RNF121: variants seen among roughly 807,000 people sequenced by gnomAD.
The protein encoded by RNF121 is ring finger protein 121, also known as E3 ubiquitin ligase RNF121.
Under a neutral mutation model 46.5 loss-of-function variants are expected in RNF121, and 21 were observed. The observed-to-expected ratio is 0.45, with a 90% confidence interval of 0.32 to 0.65. RNF121 has a LOEUF of 0.65. RNF121 is among the 30% of genes least tolerant of loss of function. RNF121 has a pLI of 0.04. For synonymous variants in RNF121, 139 were observed against 144.7 expected (o/e 0.96, Z 0.28); for missense variants, 346 against 416.0 (o/e 0.83, Z 1.46).
chr11:71,967,233 A>C (rs1462283845), intron 3 of RNF121, among the ~76,000 whole-genome samples: 1 of 150,782 alleles, frequency 6.6e-6, no homozygotes, highest in Non-Finnish European at 1.5e-5. Flanking sequence ...ATTATATTTA[A>C]ATATAATATT....
intron 3 of RNF121, among the ~76,000 whole-genome samples, chr11:71,964,976 C>A (rs931002094): frequency 6.6e-6 from 1 of 152,096 alleles, no homozygotes; most frequent in African/African-American, 2.4e-5. Context: ...TGCCTAGAGA[C>A]AGGATGAGGT....
At chr11:71,986,861 G>A (rs1954782116) in intron 4 of RNF121, 143 bp from the exon 5 acceptor site, 2 of 615,294 alleles carry the variant, frequency 3.3e-6, no homozygotes, top group South Asian at 3.8e-5. Context: ...GAGCAGCTTT[G>A]GATAGTAACT....
chr11:71,993,714 T>C (rs1954912201), intron 6 of RNF121, among the ~76,000 whole-genome samples: 1 of 152,180 alleles, frequency 6.6e-6, no homozygotes, highest in South Asian at 2.1e-4. Flanking sequence ...ATACCGAGAA[T>C]GGAATTGCTT....
intron 1 of RNF121, among the ~76,000 whole-genome samples, chr11:71,953,424 G>T (rs530435782): frequency 3.3e-5 from 5 of 152,346 alleles, no homozygotes; most frequent in African/African-American, 4.8e-5. Context: ...GTACAGATGC[G>T]TATGGCTGTA....
At position 71,989,694 on chromosome 11, in the gene RNF121, AAAAC is replaced by A. The variant is rs1312791845; in HGVS notation, c.507-898_507-895del. Among the ~76,000 whole-genome samples the A allele has an allele frequency of 2.6e-5, 4 of 152,336 alleles. No individual in the cohort carries two copies. The East Asian group carries it at 7.7e-4, about 29-fold the overall frequency. On this transcript the variant is annotated intron_variant, in intron 5 of 8. Transcript: ENST00000361756. ...CAAATTATCGGTCCTTGGAATTATTAAAACAAACCTTCTGATGTTATAGGCAAGA... is the reference window on the plus strand; with the variant it reads ...CAAATTATCGGTCCTTGGAATTATTAAAACCTTCTGATGTTATAGGCAAGA...
Position 71,973,011 on chromosome 11 carries a change from A to T in RNF121, c.244-9750A>T, listed in dbSNP as rs745876094. On this transcript the variant is annotated intron_variant, in intron 3 of 8. Coordinates refer to ENST00000361756, the MANE Select transcript of RNF121 (RefSeq NM_018320.5). ...AGACCATCCTGACCAACATGGAGAAACCTTGTCTCTACTAAAAATACACTG... is the reference window on the plus strand; with the variant it reads ...AGACCATCCTGACCAACATGGAGAATCCTTGTCTCTACTAAAAATACACTG... Among the ~76,000 whole-genome samples the T allele has an allele frequency of 5.1e-4, 78 of 151,854 alleles. 2 individuals carry two copies. Among genetic ancestry groups the T allele is most frequent in the Admixed American group, 2.8e-3 (42 of 15,254 alleles).
chr11:71,988,765 T>G lies in RNF121; in HGVS notation c.506+1654T>G. Among the ~76,000 whole-genome samples the G allele has an allele frequency of 1.3e-5, 2 of 152,094 alleles. 1 individual carries two copies. The highest frequency in any genetic ancestry group is 2.9e-5 in the Non-Finnish European group (2 of 68,014). On this transcript the variant is annotated intron_variant, in intron 5 of 8. Transcript: ENST00000361756. ...TGAGCCCAGAAGTTCAAGGCTGCAG[T>G]GAGCTATGATTGTGCCACTGCACTC...
At chr11:71,952,771 G>A (rs962026520) in intron 1 of RNF121, among the ~76,000 whole-genome samples, 4 of 151,864 alleles carry the variant, frequency 2.6e-5, no homozygotes, top group Admixed American at 2.0e-4. Flanking sequence ...TCGTGCCACT[G>A]CACTCTAGCT....
intron 1 of RNF121, among the ~76,000 whole-genome samples, chr11:71,930,295 GCCCCT>G (rs1317255727): frequency 6.6e-6 from 1 of 152,136 alleles, no homozygotes; most frequent in Non-Finnish European, 1.5e-5. Flanking sequence ...AATCTTAGAG[GCCCCT>G]TGCTGTGTGT....
intron 3 of RNF121, among the ~76,000 whole-genome samples, chr11:71,971,887 A>G (rs1212624697): frequency 6.6e-6 from 1 of 152,212 alleles, no homozygotes; most frequent in East Asian, 1.9e-4. Flanking sequence ...GCGAATATAC[A>G]CATACCCTGT....
intron 1 of RNF121, among the ~76,000 whole-genome samples, chr11:71,944,648 G>A (rs983128501): frequency 6.6e-6 from 1 of 152,202 alleles, no homozygotes; most frequent in Non-Finnish European, 1.5e-5. Context: ...GGAGGGCATT[G>A]TGTAGTCTAC....
intron 1 of RNF121, among the ~76,000 whole-genome samples, 170 bp downstream of exon 1, chr11:71,929,294 G>T (rs1008261085): frequency 1.1e-4 from 16 of 151,888 alleles, no homozygotes; most frequent in South Asian, 4.2e-4. Flanking sequence ...CTGACTTGGG[G>T]ACTCCGAGGC....
At position 71,996,327 on chromosome 11, in the gene RNF121, A is replaced by G. The variant is rs774861475; in HGVS notation, c.*12A>G. 1.2e-6 allele frequency: 2 copies of G among 1,613,738 alleles called. No individual in the cohort carries two copies. The highest frequency in any genetic ancestry group is 1.1e-5 in the South Asian group (1 of 91,064). On this transcript the variant is annotated 3_prime_UTR_variant, in exon 9 of 9. Transcript: ENST00000361756. ...TGGGCCTGGAATAGTGATGAAGAGC[A>G]TCAGTGGAAAACCCACCCCACACGC...
chr11:71,979,757 C>G (rs756120070), intron 3 of RNF121, among the ~76,000 whole-genome samples: 1 of 152,166 alleles, frequency 6.6e-6, no homozygotes, highest in Non-Finnish European at 1.5e-5. Context: ...AGGATCTTAG[C>G]GCAGGCTGGT....
intron 6 of RNF121, among the ~76,000 whole-genome samples, chr11:71,992,003 C>A (rs1187625571): frequency 1.3e-5 from 2 of 151,860 alleles, no homozygotes; most frequent in Non-Finnish European, 2.9e-5. Context: ...CCTGTAGTCC[C>A]AGCTACTTTG....
chr11:71,935,105 C>G (rs1021828441), intron 1 of RNF121, among the ~76,000 whole-genome samples: 60 of 152,024 alleles, frequency 3.9e-4, no homozygotes, highest in African/African-American at 1.4e-3. Context: ...CCATGCCTGG[C>G]TAATTTTTGT....
intron 1 of RNF121, among the ~76,000 whole-genome samples, chr11:71,947,567 G>A (rs1953756392): frequency 6.6e-6 from 1 of 152,108 alleles, no homozygotes; most frequent in Non-Finnish European, 1.5e-5. Flanking sequence ...GCCAAAGAAA[G>A]CACTGAGGGA....
chr11:71,988,412 A>C (rs145697828), intron 5 of RNF121, among the ~76,000 whole-genome samples: 1 of 152,302 alleles, frequency 6.6e-6, no homozygotes, highest in Non-Finnish European at 1.5e-5. Flanking sequence ...CTAGGATTCA[A>C]ATTTAAGATA....
chr11:71,962,290 G>T (rs1211451287), intron 3 of RNF121: 43 of 984,852 alleles, frequency 4.4e-5, no homozygotes, highest in Non-Finnish European at 5.1e-5. Flanking sequence ...TCTGAAGAAA[G>T]TGAGTATGCA....
Sources: allele counts gnomAD v4.1 joint callset (sites outside exome capture counted in the v4.1 genomes callset), GRCh38; gene constraint gnomAD v4.1.1; transcripts MANE v1.5; gene names NCBI Gene and HGNC (gene_info 2026-07-23, HGNC 2026-07-21).